Variants in SNX17 observed in about 807,000 individuals in gnomAD.
The protein encoded by SNX17 is sorting nexin 17, also known as sorting nexin-17.
SNX17 carries 35 observed loss-of-function variants against 64.3 expected under a neutral mutation model. The ratio of observed to expected loss-of-function variants is 0.54; its 90% CI spans 0.42 to 0.72. SNX17 has a LOEUF of 0.72. Among genes scored for constraint, SNX17 ranks in the 30% least tolerant of loss-of-function variants. The pLI, the probability that SNX17 is intolerant of heterozygous loss-of-function variation, is 0.00. For synonymous variants in SNX17, 259 were observed against 230.2 expected, an observed-to-expected ratio of 1.13 and a Z score of -1.13; for missense variants, 538 against 610.0, an observed-to-expected ratio of 0.88 and a Z score of 1.24.
chr2:27,376,675 C>T lies in SNX17; in HGVS notation c.1369C>T (p.His457Tyr). ...PSTDASASDV[H>Y]GNFAFEGIGD... The stretch of plus-strand genomic sequence containing the variant: ...CACAGATGCCAGTGCCAGTGATGTC[C>T]ACGGCAATTTCGCCTTCGAGGGCAT... The change falls in exon 15 of 15, where the codon CAC becomes TAC. Residue 457 changes from histidine (H) to tyrosine (Y), a missense_variant. Around this residue, in one of 3 missense-constraint regions of SNX17, gnomAD observed 505 missense variants for 550.4 expected, o/e 0.92. Coordinates refer to ENST00000233575, the MANE Select transcript of SNX17 (RefSeq NM_014748.4). The T allele has an allele frequency of 6.2e-7, 1 of 1,614,178 alleles. No homozygotes were observed. Among genetic ancestry groups the T allele is most frequent in the Non-Finnish European group, 8.5e-7 (1 of 1,180,030 alleles).
At chr2:27,371,224 C>T (rs768777232) in intron 1 of SNX17, 45 bp from the exon 2 acceptor site, 31 of 1,575,974 alleles carry the variant, frequency 2.0e-5, no homozygotes, top group Middle Eastern at 3.3e-4. Flanking sequence ...AGGGGGGTTG[C>T]GCAGACCGCA....
rs1481807252 is a variant in SNX17, at chr2:27,370,696, C to T, written c.-48C>T. Reference sequence around the variant, plus strand: ...AGCGGAGGGGGAGCGTGCAGAGCCGCTGCGGCCCTCACAGTCCGGAGCCCG... The same window carrying T: ...AGCGGAGGGGGAGCGTGCAGAGCCGTTGCGGCCCTCACAGTCCGGAGCCCG... On this transcript the variant is annotated 5_prime_UTR_variant, in exon 1 of 15. Coordinates refer to ENST00000233575, the MANE Select transcript of SNX17 (RefSeq NM_014748.4). The T allele has an allele frequency of 2.0e-6, 3 of 1,516,086 alleles. No individual in the cohort carries two copies. The highest frequency in any genetic ancestry group is 1.2e-5 in the South Asian group (1 of 81,182). 93.9% of individuals were successfully genotyped at this position (1,516,086 alleles called of 1,614,324 possible).
At chr2:27,372,249 C>G (rs1198949843) in intron 2 of SNX17, among the ~76,000 whole-genome samples, 1 of 152,182 alleles carries the variant, frequency 6.6e-6, no homozygotes, top group Non-Finnish European at 1.5e-5. Flanking sequence ...CCTTTAAGTC[C>G]TAAGATATTT....
chr2:27,376,383 T>A lies in SNX17; in HGVS notation c.1253T>A (p.Leu418Gln). The A allele has an allele frequency of 1.9e-6, 3 of 1,613,942 alleles. No individual in the cohort carries two copies. Among genetic ancestry groups the A allele is most frequent in the Non-Finnish European group, 1.7e-6 (2 of 1,179,882 alleles). ...DSQQAVKSPP[L>Q]LESPDATRES... ...CAGCAAGCAGTGAAGTCCCCACCAC[T>A]GCTTGTAAGTATTACCTCCTGGTCA... The change falls in exon 13 of 15, where the codon CTG becomes CAG. Residue 418 changes from leucine to glutamine, a missense_variant. Physicochemically the swap from Leu to Gln is moderately radical, Grantham distance 113 (BLOSUM62 -2). Around this residue, in one of 3 missense-constraint regions of SNX17, gnomAD observed 505 missense variants for 550.4 expected, o/e 0.92. Coordinates refer to ENST00000233575, the MANE Select transcript of SNX17 (RefSeq NM_014748.4).
At chr2:27,373,776 CACAAGGG>C in intron 4 of SNX17, 78 bp from the exon 5 acceptor site, 1 of 904,406 alleles carries the variant, frequency 1.1e-6, no homozygotes, top group South Asian at 1.4e-5. Flanking sequence ...AATAAAGACA[CACAAGGG>C]ACCTAGAAAT....
chr2:27,372,504 C>T, intron 2 of SNX17, 119 bp from the exon 3 acceptor site: 1 of 1,416,770 alleles, frequency 7.1e-7, no homozygotes, highest in Non-Finnish European at 9.8e-7. Flanking sequence ...CCAGGGTAGA[C>T]AGGGGAACAG....
intron 12 of SNX17, 23 bp downstream of exon 12, chr2:27,376,206 G>A: frequency 6.2e-7 from 1 of 1,613,942 alleles, no homozygotes; most frequent in Non-Finnish European, 8.5e-7. Context: ...TGTGGACTGA[G>A]CAGTGAGCAG....
Position 27,375,111 on chromosome 2 carries a change from C to A in SNX17, c.732C>A (p.His244Gln). ...GGATCTTGGTCACCAAGGAACAGCA[C>A]CGGCAACTCAAATCTCTGCAAGAGA... ...RGWILVTKEQHRQLKSLQEKV... is the reference protein window; with the variant it reads ...RGWILVTKEQQRQLKSLQEKV... The change falls in exon 9 of 15, where the codon CAC becomes CAA. Residue 244 changes from histidine to glutamine, a missense_variant. By Grantham distance (24) the His-to-Gln change is conservative. Transcript: ENST00000233575. This position sits in a 1 kb window ranked among gnomAD's most constrained non-coding sequence, Gnocchi z 4.1. 1 of 1,614,010 alleles carries A rather than the reference C, an allele frequency of 6.2e-7. No homozygotes were observed. The highest frequency in any genetic ancestry group is 8.5e-7 in the Non-Finnish European group (1 of 1,179,980).
intron 2 of SNX17, 118 bp from the exon 3 acceptor site, chr2:27,372,505 A>G (rs1682732908): frequency 4.2e-6 from 6 of 1,416,828 alleles, no homozygotes; most frequent in Middle Eastern, 1.8e-4. Context: ...CAGGGTAGAC[A>G]GGGGAACAGG....
rs1387295643 is a variant in SNX17, at chr2:27,376,976, A to C, written c.*257A>C. ...TAGTATTTTGCACAAAGTCTAAGGGACCATGGCTGCCTGCCTTGGGGAGGA... is the reference window on the plus strand; with the variant it reads ...TAGTATTTTGCACAAAGTCTAAGGGCCCATGGCTGCCTGCCTTGGGGAGGA... On this transcript the variant is annotated 3_prime_UTR_variant, in exon 15 of 15. Coordinates refer to ENST00000233575, the MANE Select transcript of SNX17 (RefSeq NM_014748.4). The C allele has an allele frequency of 1.2e-5, 6 of 496,420 alleles. No homozygotes were observed. In the East Asian group the frequency reaches 2.2e-4, roughly 19 times the overall value. 30.8% of individuals were successfully genotyped at this position (496,420 alleles called of 1,614,324 possible). A position where few individuals can be genotyped will look rare whatever the true frequency, so the allele number is the denominator to read the frequency against.
At position 27,374,396 on chromosome 2, in the gene SNX17, C is replaced by G. The variant is rs778376356; in HGVS notation, c.574C>G (p.Leu192Val). The G allele has an allele frequency of 6.2e-7, 1 of 1,613,734 alleles. No homozygotes were observed. The highest frequency in any genetic ancestry group is 1.3e-5 in the African/African-American group (1 of 74,756). Reference protein sequence around the residue: ...FELPYVSVTSLRSQEYKIVLR... With the variant: ...FELPYVSVTSVRSQEYKIVLR... Reference sequence around the variant, plus strand: ...GCTGCCTTATGTGTCTGTCACCAGCCTTCGGAGTCAAGAGTATAAGATTGT... The same window carrying G: ...GCTGCCTTATGTGTCTGTCACCAGCGTTCGGAGTCAAGAGTATAAGATTGT... Residue 192 changes from leucine to valine, a missense_variant, in exon 7 of 15, where the codon CTT becomes GTT. Transcript: ENST00000233575.
chr2:27,373,368 C>T (rs916151235), intron 4 of SNX17, 57 bp downstream of exon 4: 6 of 1,579,718 alleles, frequency 3.8e-6, no homozygotes, highest in Admixed American at 1.7e-5. Flanking sequence ...AAGGTCATGT[C>T]TTTTATTTTT....
Position 27,375,112 on chromosome 2 carries a change from C to T in SNX17, c.733C>T (p.Arg245Trp), listed in dbSNP as rs770828684. Reference sequence around the variant, plus strand: ...GATCTTGGTCACCAAGGAACAGCACCGGCAACTCAAATCTCTGCAAGAGAA... The same window carrying T: ...GATCTTGGTCACCAAGGAACAGCACTGGCAACTCAAATCTCTGCAAGAGAA... ...GWILVTKEQH[R>W]QLKSLQEKVS... The change falls in exon 9 of 15, where the codon CGG becomes TGG. Residue 245 changes from arginine (R) to tryptophan (W), a missense_variant. Arg to Trp is a moderately radical substitution (Grantham distance 101). This residue lies in a region of SNX17 where 505 missense variants were observed against 550.4 expected (regional missense o/e 0.92). Coordinates refer to ENST00000233575, the MANE Select transcript of SNX17 (RefSeq NM_014748.4). This position sits in a 1 kb window ranked among gnomAD's most constrained non-coding sequence, Gnocchi z 4.1. 2.1e-5 allele frequency: 34 copies of T among 1,613,864 alleles called. No homozygotes were observed. The Admixed American group carries it at 3.2e-4, about 15-fold the overall frequency.
rs761942766 is a variant in SNX17 at position 27,375,050 on chromosome 2, C to G, written c.682-11C>G. ...GGACCTCCTACTGCCTGCCCCTTGT[C>G]TCTACTATAGACGGTATCAGATATT... On this transcript the variant is annotated splice_polypyrimidine_tract_variant and intron_variant, in intron 8 of 14. Transcript: ENST00000233575. This position sits in a 1 kb window ranked among gnomAD's most constrained non-coding sequence, Gnocchi z 4.1. 6.2e-7 allele frequency: 1 copy of G among 1,613,116 alleles called. No homozygotes were observed. The highest frequency in any genetic ancestry group is 2.2e-5 in the East Asian group (1 of 44,866).
intron 12 of SNX17, 29 bp from the exon 13 acceptor site, chr2:27,376,284 C>T (rs1329105997): frequency 6.2e-6 from 10 of 1,611,742 alleles, no homozygotes; most frequent in Non-Finnish European, 8.5e-6. Context: ...GTGATCCTGC[C>T]CTCACCGGCA....
In SNX17 at chr2:27,372,622, G is replaced by A; in HGVS notation, c.139-1G>A. On this transcript the variant is annotated splice_acceptor_variant, in intron 2 of 14. Coordinates refer to ENST00000233575, the MANE Select transcript of SNX17 (RefSeq NM_014748.4). LOFTEE classifies it high-confidence loss of function. ...AGGGTTGTATCTCTTTCTCTAAATAGCTTCGGAAGGAGTATGGGGCCAATG... is the reference window on the plus strand; with the variant it reads ...AGGGTTGTATCTCTTTCTCTAAATAACTTCGGAAGGAGTATGGGGCCAATG... 1.2e-6 allele frequency: 2 copies of A among 1,614,178 alleles called. No homozygotes were observed. Among genetic ancestry groups the A allele is most frequent in the Non-Finnish European group, 1.7e-6 (2 of 1,180,024 alleles).
intron 8 of SNX17, 62 bp downstream of exon 8, chr2:27,374,820 C>A: frequency 6.8e-7 from 1 of 1,475,764 alleles, no homozygotes; most frequent in Non-Finnish European, 9.5e-7. Context: ...CTCACTCTCC[C>A]AAGAAAACTG....
intron 8 of SNX17, 57 bp downstream of exon 8, chr2:27,374,815 T>C (rs1026961476): frequency 2.0e-6 from 3 of 1,525,622 alleles, no homozygotes; most frequent in Non-Finnish European, 2.7e-6. Context: ...GGTGACTCAC[T>C]CTCCCAAGAA....
Position 27,370,820 on chromosome 2 carries a change from G to GGAGCC in SNX17, c.63+21_63+25dup, listed in dbSNP as rs762019475. On this transcript the variant is annotated intron_variant, in intron 1 of 14. Coordinates refer to ENST00000233575, the MANE Select transcript of SNX17 (RefSeq NM_014748.4). Reference sequence around the variant, plus strand: ...TCCGCCTACGTGGTGAGGAGCGGCCGGAGCCGAGCCGGGCCGGGCAGGGGC... The same window carrying GGAGCC: ...TCCGCCTACGTGGTGAGGAGCGGCCGGAGCCGAGCCGAGCCGGGCCGGGCAGGGGC... The GGAGCC allele has an allele frequency of 1.9e-6, 3 of 1,539,458 alleles. No homozygotes were observed. Among genetic ancestry groups the GGAGCC allele is most frequent in the Non-Finnish European group, 1.7e-6 (2 of 1,145,270 alleles).
Sources: gnomAD v4.1 joint callset for allele counts (sites outside exome capture counted in the v4.1 genomes callset) on GRCh38, gnomAD v4.1.1 for gene constraint, gnomAD v4.1.1 regional missense constraint, Gnocchi (gnomAD v3.1) non-coding constraint, MANE v1.5 for transcripts, NCBI Gene and HGNC (gene_info 2026-07-23, HGNC 2026-07-21) for gene names.